TOR1AIP2: variants seen among roughly 807,000 people sequenced by gnomAD.
The protein encoded by TOR1AIP2 is torsin 1A interacting protein 2.
In TOR1AIP2, 20 loss-of-function variants were observed where a neutral mutation model predicts 32.6. That is an observed-to-expected ratio of 0.61 (90% CI 0.43 to 0.89). The LOEUF (loss-of-function observed/expected upper bound fraction) is 0.89, where lower values mean the gene tolerates loss of function less well. Ranked by LOEUF, TOR1AIP2 falls within the 40% of genes least tolerant of loss-of-function variation. The pLI is 0.00. For synonymous variants in TOR1AIP2, 214 were observed against 210.8 expected, an observed-to-expected ratio of 1.02 and a Z score of -0.13; for missense variants, 456 against 553.8, an observed-to-expected ratio of 0.82 and a Z score of 1.77.
rs910195006 is a variant in TOR1AIP2 at position 179,846,283 on chromosome 1, C to T, written c.1201G>A (p.Glu401Lys). The part of the protein sequence containing the change: ...DVALVLTVLL[E>K]EETLEASVGP... ...ACACTTGCTTCTAATGTTTCCTCCT[C>T]TAGCAGAACAGTCAGGACCAGGGCC... Residue 401 changes from glutamate to lysine, a missense_variant, in exon 7 of 7, where the codon GAG becomes AAG. By Grantham distance (56) the Glu-to-Lys change is moderately conservative. Transcript: ENST00000609928. The T allele has an allele frequency of 1.2e-6, 2 of 1,614,108 alleles. No homozygotes were observed. Among genetic ancestry groups the T allele is most frequent in the Admixed American group, 3.3e-5 (2 of 60,006 alleles).
rs1294222706 is a variant in TOR1AIP2 at position 179,859,873 on chromosome 1, G to A, written c.-147+5563C>T. ...TAAAGGGCCTTACTCTGTTGCCCAG[G>A]CTGGAGGGCAGTAGTACCATCATAG... is the stretch of plus-strand genomic sequence containing the variant. On this transcript the variant is annotated intron_variant, in intron 3 of 6. Coordinates refer to ENST00000609928, the MANE Select transcript of TOR1AIP2 (RefSeq NM_001199260.2). 12 of 970,008 alleles carry A rather than the reference G, an allele frequency of 1.2e-5. No individual in the cohort carries two copies. The South Asian group carries it at 5.2e-4, about 42-fold the overall frequency. 60.1% of individuals were successfully genotyped at this position (970,008 alleles called of 1,614,324 possible). A position where few individuals can be genotyped will look rare whatever the true frequency, so the allele number is the denominator to read the frequency against.
chr1:179,863,388 G>T lies in TOR1AIP2; in HGVS notation c.-147+2048C>A, dbSNP rs1313638671. ...GAAGAAATTTGCTAGGGATTTTTGG[G>T]AAAGACTTGATTCCCAAATAAAACA... On this transcript the variant is annotated intron_variant, in intron 3 of 6. Coordinates refer to ENST00000609928, the MANE Select transcript of TOR1AIP2 (RefSeq NM_001199260.2). 9.1e-6 allele frequency: 9 copies of T among 985,254 alleles called. No homozygotes were observed. The African/African-American group carries it at 1.4e-4, about 15-fold the overall frequency. The allele number at this position is 985,254 out of a possible 1,614,324, so 61.0% of individuals were successfully genotyped here. A position where few individuals can be genotyped will look rare whatever the true frequency, so the allele number is the denominator to read the frequency against.
chr1:179,873,109 T>C (rs1697072630), intron 2 of TOR1AIP2, among the ~76,000 whole-genome samples: 1 of 152,252 alleles, frequency 6.6e-6, no homozygotes. Flanking sequence ...TTCCTCAGTC[T>C]TTACCTGTCA....
chr1:179,868,230 C>T (rs1376522828), intron 2 of TOR1AIP2: 2 of 152,160 alleles, frequency 1.3e-5, no homozygotes, highest in Non-Finnish European at 2.9e-5. Flanking sequence ...GCTCTATCAG[C>T]AATGCAATAA....
Position 179,873,264 on chromosome 1 carries a change from C to T in TOR1AIP2, c.-566+3975G>A, listed in dbSNP as rs540239965. 3.9e-5 allele frequency among the ~76,000 whole-genome samples: 6 copies of T among 152,246 alleles called. 1 individual carries two copies. Among genetic ancestry groups the T allele is most frequent in the Admixed American group, 2.6e-4 (4 of 15,306 alleles). ...CTGGTCTCGAACTCCTGGGCTCAAG[C>T]GATCCTCTTGCCTTGGCTTCCCAAA... On this transcript the variant is annotated intron_variant, in intron 2 of 6. Coordinates refer to ENST00000609928, the MANE Select transcript of TOR1AIP2 (RefSeq NM_001199260.2).
chr1:179,866,787 G>A (rs889279385), intron 2 of TOR1AIP2, among the ~76,000 whole-genome samples: 1 of 152,196 alleles, frequency 6.6e-6, no homozygotes, highest in African/African-American at 2.4e-5. Flanking sequence ...ATAGTCCTGA[G>A]CTATTCTTGG....
At chr1:179,869,606 G>A (rs1696933620) in intron 2 of TOR1AIP2, among the ~76,000 whole-genome samples, 2 of 152,204 alleles carry the variant, frequency 1.3e-5, no homozygotes, top group Non-Finnish European at 2.9e-5. Context: ...GGATAAAGAA[G>A]AGCAATATAG....
Position 179,859,154 on chromosome 1 carries a change from A to G in TOR1AIP2, c.-147+6282T>C, listed in dbSNP as rs372639667. 2.0e-4 allele frequency: 198 copies of G among 985,444 alleles called. 2 individuals are homozygous for G. In the South Asian group the frequency reaches 8.1e-3, roughly 40 times the overall value. 61.0% of individuals were successfully genotyped at this position (985,444 alleles called of 1,614,324 possible). On this transcript the variant is annotated intron_variant, in intron 3 of 6. Transcript: ENST00000609928. ...TGAAACAAGTAGTTACAATCCTGCT[A>G]TGAAAACGAGTAACAAATAAAGCAT...
chr1:179,853,824 A>C (rs1005822142), intron 3 of TOR1AIP2, among the ~76,000 whole-genome samples: 3 of 152,240 alleles, frequency 2.0e-5, no homozygotes, highest in African/African-American at 7.2e-5. Context: ...GTGATGCCAT[A>C]GATAAATTGG....
At chr1:179,846,931 T>A in intron 6 of TOR1AIP2, 103 bp from the exon 7 acceptor site, 1 of 1,265,888 alleles carries the variant, frequency 7.9e-7, no homozygotes, top group Non-Finnish European at 1.1e-6. Flanking sequence ...CAGGTTTTAC[T>A]AGGAGCAATA....
At chr1:179,846,948 T>G in intron 6 of TOR1AIP2, 120 bp from the exon 7 acceptor site, 1 of 1,076,902 alleles carries the variant, frequency 9.3e-7, no homozygotes, top group Non-Finnish European at 1.3e-6. Context: ...AATAAGTTTC[T>G]TTTGCATAAA....
At chr1:179,867,374 T>TTCC (rs2148452157) in intron 2 of TOR1AIP2, among the ~76,000 whole-genome samples, 1 of 152,304 alleles carries the variant, frequency 6.6e-6, no homozygotes, top group South Asian at 2.1e-4. Context: ...TACTTGGTGC[T>TTCC]GATAGCACAG....
At chr1:179,862,404 T>G in intron 3 of TOR1AIP2, 2 of 985,356 alleles carry the variant, frequency 2.0e-6, no homozygotes, top group Non-Finnish European at 2.4e-6. Context: ...AATTCTTCAT[T>G]AAAGAGTTAG....
intron 3 of TOR1AIP2, chr1:179,861,553 T>C (rs1233478626): frequency 1.0e-6 from 1 of 985,216 alleles, no homozygotes. Context: ...ACATAGTTTA[T>C]AATGACACTG....
At chr1:179,864,380 A>T in intron 3 of TOR1AIP2, 1 of 991,704 alleles carries the variant, frequency 1.0e-6, no homozygotes, top group Non-Finnish European at 1.2e-6. Context: ...ATCCAGCTAT[A>T]ACGAGGCTGC....
At chr1:179,874,330 C>T (rs1365449947) in intron 2 of TOR1AIP2, 1 of 152,266 alleles carries the variant, frequency 6.6e-6, no homozygotes, top group African/African-American at 2.4e-5. Flanking sequence ...GGGAGGATCG[C>T]TTGAGCTCAG....
intron 3 of TOR1AIP2, among the ~76,000 whole-genome samples, chr1:179,855,452 G>C (rs1696262351): frequency 6.6e-6 from 1 of 152,076 alleles, no homozygotes; most frequent in Non-Finnish European, 1.5e-5. Flanking sequence ...AAAACCTAAT[G>C]AATATTAAAA....
Position 179,852,737 on chromosome 1 carries a change from T to G in TOR1AIP2, c.-72A>C. 6.2e-7 allele frequency: 1 copy of G among 1,608,916 alleles called. No individual in the cohort carries two copies. Among genetic ancestry groups the G allele is most frequent in the South Asian group, 1.1e-5 (1 of 90,524 alleles). Reference sequence around the variant, plus strand: ...CTTGGTTTTCCTTGTGAAGATGTCTTGTTTTCTTCTTGTCCCAAGTCCCAA... The same window carrying G: ...CTTGGTTTTCCTTGTGAAGATGTCTGGTTTTCTTCTTGTCCCAAGTCCCAA... On this transcript the variant is annotated 5_prime_UTR_variant, in exon 4 of 7. Transcript: ENST00000609928.
In TOR1AIP2 at chr1:179,846,238, C is replaced by T; in HGVS notation, c.1246G>A (p.Glu416Lys). The change falls in exon 7 of 7, where the codon GAA becomes AAA. Residue 416 changes from glutamate to lysine, a missense_variant. Coordinates refer to ENST00000609928, the MANE Select transcript of TOR1AIP2 (RefSeq NM_001199260.2). ...GCCCAGAGTAAGTCTCTCACTTTTT[C>T]TTCCGTTTCCCTTGGGCCTACACTT... Reference protein sequence around the residue: ...EASVGPRETEEKVRDLLWAKF... With the variant: ...EASVGPRETEKKVRDLLWAKF... The T allele has an allele frequency of 6.2e-7, 1 of 1,614,192 alleles. No homozygotes were observed. The highest frequency in any genetic ancestry group is 8.5e-7 in the Non-Finnish European group (1 of 1,180,028).
Sources: allele counts gnomAD v4.1 joint callset (sites outside exome capture counted in the v4.1 genomes callset), GRCh38; gene constraint gnomAD v4.1.1; transcripts MANE v1.5; gene names NCBI Gene and HGNC (gene_info 2026-07-23, HGNC 2026-07-21).